Variants in CENPC observed in about 807,000 individuals in gnomAD.
CENPC encodes centromere protein C.
In CENPC, 63 loss-of-function variants were observed where a neutral mutation model predicts 112.1. The ratio of observed to expected loss-of-function variants is 0.56; its 90% CI spans 0.46 to 0.69. The LOEUF (loss-of-function observed/expected upper bound fraction) is 0.69. Ranked by LOEUF, CENPC falls within the 30% of genes least tolerant of loss-of-function variation. The pLI is 0.00. For missense variants in CENPC, 1,000 were observed against 1,103.8 expected (o/e 0.91, Z 1.33); for synonymous variants, 333 against 367.6 (o/e 0.91, Z 1.08).
chr4:67,513,045 G>A (rs527487913), intron 8 of CENPC, among the ~76,000 whole-genome samples: 1 of 152,156 alleles, frequency 6.6e-6, no homozygotes, highest in Non-Finnish European at 1.5e-5. Context: ...TGTGGTCAGA[G>A]AGATGAGATG....
Position 67,505,099 on chromosome 4 carries a change from C to G in CENPC, c.2131+106G>C. ...AACTAAGGGTCTTAAGAGGTAGGTA[C>G]TCAATATACACTCGCCATCAGTGAC... On this transcript the variant is annotated intron_variant, in intron 12 of 18. Coordinates refer to ENST00000273853, the MANE Select transcript of CENPC (RefSeq NM_001812.4). 14 of 763,742 alleles carry G rather than the reference C, an allele frequency of 1.8e-5. 1 individual carries two copies. The South Asian group carries it at 2.2e-4, about 12-fold the overall frequency. 47.3% of individuals were successfully genotyped at this position (763,742 alleles called of 1,614,324 possible).
rs201433526 is a variant in CENPC, at chr4:67,474,904, C to G, written c.2745G>C (p.Ser915=). 114 of 1,576,660 alleles carry G rather than the reference C, an allele frequency of 7.2e-5. No homozygotes were observed. Among genetic ancestry groups the G allele is most frequent in the Non-Finnish European group, 9.3e-5 (108 of 1,155,276 alleles). ...TTGTCTTACCTGAAGGAACATAGAACGAATCCCCAGTACTTAATATATAAG... is the reference window on the plus strand; with the variant it reads ...TTGTCTTACCTGAAGGAACATAGAAGGAATCCCCAGTACTTAATATATAAG... ...ETPYILSTGD[S]FYVPSGNYYN... is the part of the protein sequence containing the mutation. Residue 915 remains serine, a synonymous_variant, in exon 18 of 19, where the codon TCG becomes TCC. Coordinates refer to ENST00000273853, the MANE Select transcript of CENPC (RefSeq NM_001812.4).
At chr4:67,506,308 T>C (rs150133546) in intron 11 of CENPC, among the ~76,000 whole-genome samples, 1 of 152,314 alleles carries the variant, frequency 6.6e-6, no homozygotes, top group African/African-American at 2.4e-5. Flanking sequence ...CAATAAGTTG[T>C]TTCTAATGAA....
chr4:67,502,900 C>T (rs1262307397), intron 12 of CENPC, among the ~76,000 whole-genome samples: 2 of 152,130 alleles, frequency 1.3e-5, no homozygotes, highest in Non-Finnish European at 2.9e-5. Flanking sequence ...AAATCCTCCT[C>T]CTGCTTTCCA....
At position 67,530,992 on chromosome 4, in the gene CENPC, G is replaced by A. The variant is rs190683701; in HGVS notation, c.232-78C>T. 1.2e-4 allele frequency: 77 copies of A among 648,140 alleles called. No individual in the cohort carries two copies. In the African/African-American group the frequency reaches 1.3e-3, roughly 11 times the overall value. The allele number at this position is 648,140 out of a possible 1,614,324, so 40.1% of individuals were successfully genotyped here. A position where few individuals can be genotyped will look rare whatever the true frequency, so the allele number is the denominator to read the frequency against. On this transcript the variant is annotated intron_variant, in intron 4 of 18. Transcript: ENST00000273853. ...AATGAAATATATTTGTTTTTTAAAT[G>A]GGGGGAAAAACAAGTATTCTAAAAC...
At chr4:67,473,227 G>T (rs1481146411) in intron 18 of CENPC, among the ~76,000 whole-genome samples, 1 of 151,820 alleles carries the variant, frequency 6.6e-6, no homozygotes, top group Non-Finnish European at 1.5e-5. Flanking sequence ...CACCGCGCCC[G>T]GCCAAAATCT....
intron 12 of CENPC, among the ~76,000 whole-genome samples, chr4:67,495,500 T>TTTTA (rs1225468096): frequency 6.6e-6 from 1 of 152,198 alleles, no homozygotes; most frequent in African/African-American, 2.4e-5. Flanking sequence ...AAACCATGCT[T>TTTTA]TTTAGTTTCT....
intron 12 of CENPC, among the ~76,000 whole-genome samples, chr4:67,503,581 C>G (rs891973607): frequency 1.1e-4 from 16 of 152,006 alleles, no homozygotes; most frequent in African/African-American, 3.9e-4. Context: ...CACCCCTACC[C>G]TTAAAATAAT....
chr4:67,527,713 C>T (rs1726425939), intron 5 of CENPC, among the ~76,000 whole-genome samples: 1 of 151,892 alleles, frequency 6.6e-6, no homozygotes, highest in African/African-American at 2.4e-5. Context: ...GTTGCCTAGG[C>T]TGGTCTCAAA....
At chr4:67,519,684 GGGCTAAAAATT>G (rs1399680035) in intron 5 of CENPC, among the ~76,000 whole-genome samples, 182 bp from the exon 6 acceptor site, 39 of 151,986 alleles carry the variant, frequency 2.6e-4, no homozygotes, top group African/African-American at 8.9e-4. Flanking sequence ...TTCTATCTTT[GGGCTAAAAATT>G]GGTGACCTAG....
At chr4:67,494,991 G>A (rs1387340733) in intron 13 of CENPC, among the ~76,000 whole-genome samples, 168 bp downstream of exon 13, 1 of 152,156 alleles carries the variant, frequency 6.6e-6, no homozygotes, top group Non-Finnish European at 1.5e-5. Context: ...GTGGCTTGTG[G>A]TGACTTACTA....
At position 67,505,227 on chromosome 4, in the gene CENPC, A is replaced by G. The variant is rs1280895523; in HGVS notation, c.2109T>C (p.Asp703=). Reference sequence around the variant, plus strand: ...TACCTGAACTTCCATGAACTTCCTCATCATCCACATCATTCTTTCCAGACA... The same window carrying G: ...TACCTGAACTTCCATGAACTTCCTCGTCATCCACATCATTCTTTCCAGACA... The part of the protein sequence containing the change: ...YLMSGKNDVD[D]EEVHGSSDDS... The change falls in exon 12 of 19, where the codon GAT becomes GAC. Residue 703 remains aspartate, a synonymous_variant. Coordinates refer to ENST00000273853, the MANE Select transcript of CENPC (RefSeq NM_001812.4). The G allele has an allele frequency of 7.0e-6, 11 of 1,582,452 alleles. No individual in the cohort carries two copies. Among genetic ancestry groups the G allele is most frequent in the Non-Finnish European group, 9.4e-6 (11 of 1,164,524 alleles).
chr4:67,539,971 T>A, intron 3 of CENPC, 37 bp from the exon 4 acceptor site: 1 of 1,095,540 alleles, frequency 9.1e-7, no homozygotes, highest in Non-Finnish European at 1.3e-6. Flanking sequence ...AAACAAGATA[T>A]AGTGTAATAT....
intron 10 of CENPC, among the ~76,000 whole-genome samples, chr4:67,507,184 G>A (rs143862031): frequency 9.2e-4 from 140 of 152,222 alleles, no homozygotes; most frequent in Admixed American, 2.0e-3. Flanking sequence ...GGTGGTGAAA[G>A]GGACATAAGG....
intron 10 of CENPC, among the ~76,000 whole-genome samples, chr4:67,507,993 C>T (rs1725783260): frequency 6.6e-6 from 1 of 152,250 alleles, no homozygotes; most frequent in South Asian, 2.1e-4. Context: ...CAGCACCTTA[C>T]TGATTCCAAC....
chr4:67,475,188 A>C (rs1474922090), intron 17 of CENPC, among the ~76,000 whole-genome samples: 1 of 152,206 alleles, frequency 6.6e-6, no homozygotes, highest in Non-Finnish European at 1.5e-5. Context: ...ATCTAATCAC[A>C]TTAAGCCCTT....
At chr4:67,525,922 A>G (rs1726363241) in intron 5 of CENPC, among the ~76,000 whole-genome samples, 1 of 152,256 alleles carries the variant, frequency 6.6e-6, no homozygotes, top group Admixed American at 6.5e-5. Context: ...GAACCAACCC[A>G]AATGCCCATC....
intron 17 of CENPC, among the ~76,000 whole-genome samples, chr4:67,484,018 T>A (rs541605461): frequency 6.6e-6 from 1 of 152,352 alleles, no homozygotes; most frequent in Non-Finnish European, 1.5e-5. Flanking sequence ...TACAGTAGTG[T>A]ACAGTAATGT....
intron 7 of CENPC, among the ~76,000 whole-genome samples, chr4:67,517,654 A>G (rs1726097261): frequency 6.6e-6 from 1 of 151,860 alleles, no homozygotes; most frequent in Admixed American, 6.6e-5. Flanking sequence ...CCTGACCAAC[A>G]TGGGGATATC....
Sources: allele counts gnomAD v4.1 joint callset (sites outside exome capture counted in the v4.1 genomes callset), GRCh38; gene constraint gnomAD v4.1.1; transcripts MANE v1.5; gene names NCBI Gene and HGNC (gene_info 2026-07-23, HGNC 2026-07-21).